The following WWOX variants were observed in gnomAD, a reference collection of about 807,000 sequenced individuals.
The protein encoded by WWOX is WW domain-containing oxidoreductase.
A neutral mutation model predicts 46.2 loss-of-function variants in WWOX; 69 were observed. The ratio of observed to expected loss-of-function variants is 1.49; its 90% CI spans 1.23 to 1.82. The LOEUF (loss-of-function observed/expected upper bound fraction) is 1.82, where lower values mean the gene tolerates loss of function less well. Among genes scored for constraint, WWOX ranks in the 40% most tolerant of loss-of-function variants. The pLI is 0.00. For missense variants in WWOX, 919 were observed against 542.6 expected, an observed-to-expected ratio of 1.69 and a Z score of -6.89; for synonymous variants, 359 against 202.6, an observed-to-expected ratio of 1.77 and a Z score of -6.56.
intron 8 of WWOX, among the ~76,000 whole-genome samples, chr16:78,809,126 C>G (rs2051121293): frequency 6.6e-6 from 1 of 151,922 alleles, no homozygotes; most frequent in African/African-American, 2.4e-5. Flanking sequence ...TCTGTCTGTT[C>G]TCCCCCTGCA....
intron 5 of WWOX, among the ~76,000 whole-genome samples, chr16:78,372,086 C>T (rs991340921): frequency 3.3e-5 from 5 of 152,138 alleles, no homozygotes; most frequent in South Asian, 2.1e-4. Flanking sequence ...GTGAAGGAGA[C>T]TGGGCAATGA....
At chr16:78,952,035 G>C (rs953537543) in intron 8 of WWOX, among the ~76,000 whole-genome samples, 1 of 152,112 alleles carries the variant, frequency 6.6e-6, no homozygotes, top group Non-Finnish European at 1.5e-5. Flanking sequence ...ATTTTATACT[G>C]TCTGTAGGGT....
At chr16:78,413,897 A>G (rs1449647043) in intron 6 of WWOX, among the ~76,000 whole-genome samples, 1 of 151,526 alleles carries the variant, frequency 6.6e-6, no homozygotes, top group African/African-American at 2.4e-5. Flanking sequence ...TGAGGTTGTC[A>G]GGCCTCTGAG....
chr16:78,232,615 T>A (rs572971965), intron 5 of WWOX, among the ~76,000 whole-genome samples: 1 of 152,330 alleles, frequency 6.6e-6, no homozygotes, highest in South Asian at 2.1e-4. Flanking sequence ...TCTGAGGAAT[T>A]TGGAGATTAT....
At chr16:78,134,124 A>G (rs1035211953) in intron 4 of WWOX, among the ~76,000 whole-genome samples, 8 of 152,208 alleles carry the variant, frequency 5.3e-5, no homozygotes, top group Non-Finnish European at 1.5e-5. Context: ...AATGGCAAAC[A>G]TTGTTAATGT....
At chr16:78,832,128 TC>T (rs1435935115) in intron 8 of WWOX, among the ~76,000 whole-genome samples, 1 of 152,180 alleles carries the variant, frequency 6.6e-6, no homozygotes, top group African/African-American at 2.4e-5. Flanking sequence ...CAGGGTCTTT[TC>T]TGAAGTTGCC....
chr16:78,574,662 C>CT (rs1163702142), intron 8 of WWOX, among the ~76,000 whole-genome samples: 1 of 151,656 alleles, frequency 6.6e-6, no homozygotes, highest in African/African-American at 2.4e-5. Flanking sequence ...ATTTCTGAAC[C>CT]TGAAGGACAT....
At chr16:78,414,473 G>C (rs1024383775) in intron 6 of WWOX, among the ~76,000 whole-genome samples, 1 of 152,172 alleles carries the variant, frequency 6.6e-6, no homozygotes, top group African/African-American at 2.4e-5. Flanking sequence ...GGAGGTTGAG[G>C]CACGAGGATC....
At chr16:78,319,744 G>C (rs947981559) in intron 5 of WWOX, among the ~76,000 whole-genome samples, 4 of 152,162 alleles carry the variant, frequency 2.6e-5, no homozygotes, top group Non-Finnish European at 5.9e-5. Flanking sequence ...ATACAGGACT[G>C]TTCCATCTGC....
intron 8 of WWOX, among the ~76,000 whole-genome samples, chr16:78,782,785 T>C (rs1019005603): frequency 6.6e-6 from 1 of 152,122 alleles, no homozygotes; most frequent in African/African-American, 2.4e-5. Flanking sequence ...TTTATAAATA[T>C]GTGATGCAAT....
chr16:78,598,235 A>C (rs893191670), intron 8 of WWOX, among the ~76,000 whole-genome samples: 5 of 152,208 alleles, frequency 3.3e-5, no homozygotes, highest in Admixed American at 6.5e-5. Context: ...AAAATATTTC[A>C]CTATCAGAAT....
Position 78,144,908 on chromosome 16 carries a change from G to A in WWOX, c.410-19275G>A, listed in dbSNP as rs2034146960. Among the ~76,000 whole-genome samples, 5 of 152,210 alleles carry A rather than the reference G, an allele frequency of 3.3e-5. No individual in the cohort carries two copies. The South Asian group carries it at 1.0e-3, about 32-fold the overall frequency. On this transcript the variant is annotated intron_variant, in intron 4 of 8. Transcript: ENST00000566780. The stretch of plus-strand genomic sequence containing the variant: ...AATAAGAATTTGCTGCTTGCCAAGA[G>A]CTCTGCAGTTATTTTATTCAATTTT...
intron 5 of WWOX, among the ~76,000 whole-genome samples, chr16:78,295,689 T>A (rs2079934205): frequency 6.6e-6 from 1 of 151,796 alleles, no homozygotes. Context: ...CCGGCCTGGG[T>A]GGCTGAGAAA....
chr16:78,752,612 A>G (rs147020825), intron 8 of WWOX, among the ~76,000 whole-genome samples: 144 of 152,344 alleles, frequency 9.5e-4, no homozygotes, highest in African/African-American at 3.2e-3. Context: ...CAGGTTCAGC[A>G]GATTTTTAAA....
At chr16:78,545,020 A>G (rs1191098392) in intron 8 of WWOX, among the ~76,000 whole-genome samples, 1 of 152,180 alleles carries the variant, frequency 6.6e-6, no homozygotes, top group African/African-American at 2.4e-5. Context: ...TACAAAAGAG[A>G]GAGAGAGAAA....
intron 8 of WWOX, among the ~76,000 whole-genome samples, chr16:78,572,496 G>C (rs1357483327): frequency 6.6e-6 from 1 of 151,374 alleles, no homozygotes; most frequent in Non-Finnish European, 1.5e-5. Flanking sequence ...TCAGGTACTT[G>C]GGAGACTGAG....
In WWOX at chr16:79,211,868, C is replaced by G; in HGVS notation, c.*72C>G. On this transcript the variant is annotated 3_prime_UTR_variant, in exon 9 of 9. Transcript: ENST00000566780. ...CCCTCACGCAAGTGCCAGGGCTGGG[C>G]CCCTTCCAAATGTCCCTCCAACACA... is the stretch of plus-strand genomic sequence containing the variant. 1 of 1,596,168 alleles carries G rather than the reference C, an allele frequency of 6.3e-7. No individual in the cohort carries two copies. The highest frequency in any genetic ancestry group is 8.5e-7 in the Non-Finnish European group (1 of 1,172,694).
At chr16:78,526,351 C>T (rs1372760167) in intron 8 of WWOX, 1 of 152,274 alleles carries the variant, frequency 6.6e-6, no homozygotes, top group Non-Finnish European at 1.5e-5. Flanking sequence ...TGCTGAGCCC[C>T]CCTTCCACTG....
chr16:78,639,110 T>A (rs1297233480), intron 8 of WWOX, among the ~76,000 whole-genome samples: 1 of 152,210 alleles, frequency 6.6e-6, no homozygotes, highest in African/African-American at 2.4e-5. Flanking sequence ...TGTCCCATAC[T>A]TGGACATTTA....
Sources: gnomAD v4.1 joint callset for allele counts (sites outside exome capture counted in the v4.1 genomes callset) on GRCh38, gnomAD v4.1.1 for gene constraint, MANE v1.5 for transcripts, NCBI Gene and HGNC (gene_info 2026-07-23, HGNC 2026-07-21) for gene names.